NFIB: variants seen among roughly 807,000 people sequenced by gnomAD.
NFIB encodes the protein nuclear factor I B.
In NFIB, 11 loss-of-function variants were observed where a neutral mutation model predicts 61.5. The observed-to-expected ratio is 0.18, with a 90% CI of 0.11 to 0.30. NFIB has a LOEUF of 0.30. NFIB is among the 10% of genes least tolerant of loss of function. The probability of loss-of-function intolerance (pLI) is 1.00; values close to 1 mark genes in which losing one functional copy is unlikely to be tolerated. For missense variants in NFIB, 471 were observed against 608.9 expected (o/e 0.77, Z 2.38); for synonymous variants, 260 against 216.5 (o/e 1.20, Z -1.76).
At chr9:14,384,356 G>C (rs535625990) in intron 1 of NFIB, among the ~76,000 whole-genome samples, 1 of 152,110 alleles carries the variant, frequency 6.6e-6, no homozygotes, top group African/African-American at 2.4e-5. Flanking sequence ...GAAATGCTGC[G>C]ATAAAATTAG....
intron 2 of NFIB, among the ~76,000 whole-genome samples, chr9:14,287,101 T>C (rs1372648790): frequency 6.6e-6 from 1 of 152,066 alleles, no homozygotes; most frequent in Non-Finnish European, 1.5e-5. Flanking sequence ...TTTGGGTATA[T>C]GATTTGTAAC....
At chr9:14,204,503 G>C in intron 2 of NFIB, 2 of 1,100,464 alleles carry the variant, frequency 1.8e-6, no homozygotes, top group Non-Finnish European at 2.7e-6. Flanking sequence ...GTTCACCCAG[G>C]ACCTGGACCA....
the NFIB span, among the ~76,000 whole-genome samples, chr9:14,441,946 T>G: frequency 6.6e-6 from 1 of 152,220 alleles, no homozygotes; most frequent in Non-Finnish European, 1.5e-5. Flanking sequence ...TGAATGATTG[T>G]TTTAAAATAG....
At chr9:14,271,676 C>A (rs142146911) in intron 2 of NFIB, among the ~76,000 whole-genome samples, 2 of 152,118 alleles carry the variant, frequency 1.3e-5, no homozygotes, top group Non-Finnish European at 2.9e-5. Flanking sequence ...GGCCAGATAA[C>A]CACACTGCTG....
the NFIB span, among the ~76,000 whole-genome samples, chr9:14,501,065 A>T: frequency 6.6e-6 from 1 of 152,208 alleles, no homozygotes; most frequent in African/African-American, 2.4e-5. Flanking sequence ...CTTCTAACTC[A>T]TCGCAGTGGA....
chr9:14,422,873 C>T, the NFIB span, among the ~76,000 whole-genome samples: 2 of 152,162 alleles, frequency 1.3e-5, no homozygotes, highest in African/African-American at 4.8e-5. Flanking sequence ...GGATGCTGGG[C>T]ATGTAAAACA....
At chr9:14,182,724 G>A (rs71476215) in intron 2 of NFIB, among the ~76,000 whole-genome samples, 1 of 147,012 alleles carries the variant, frequency 6.8e-6, no homozygotes, top group Non-Finnish European at 1.5e-5. Flanking sequence ...GTGTGTGTGT[G>A]TGTGTGTGTG....
intron 1 of NFIB, among the ~76,000 whole-genome samples, chr9:14,390,328 T>C (rs867628229): frequency 6.6e-6 from 1 of 152,124 alleles, no homozygotes; most frequent in African/African-American, 2.4e-5. Flanking sequence ...AATACTTCCA[T>C]ACCTGATGCC....
intron 2 of NFIB, among the ~76,000 whole-genome samples, chr9:14,264,729 T>C (rs2057058196): frequency 1.3e-5 from 2 of 152,152 alleles, no homozygotes. Context: ...AGAAAAGGAT[T>C]TCAAACAGTC....
At chr9:14,329,318 CT>C (rs1482639866) in intron 1 of NFIB, among the ~76,000 whole-genome samples, 27 of 152,126 alleles carry the variant, frequency 1.8e-4, no homozygotes, top group Non-Finnish European at 2.9e-5. Context: ...GAAGGGGCTT[CT>C]GTGTGCCAGT....
At chr9:14,183,698 C>A (rs917099214) in intron 2 of NFIB, among the ~76,000 whole-genome samples, 1 of 152,038 alleles carries the variant, frequency 6.6e-6, no homozygotes, top group Admixed American at 6.6e-5. Flanking sequence ...AGCCACCACA[C>A]CCAGTTTAGT....
the NFIB span, among the ~76,000 whole-genome samples, chr9:14,434,471 C>G: frequency 1.3e-5 from 2 of 152,104 alleles, no homozygotes; most frequent in African/African-American, 2.4e-5. Flanking sequence ...AAAAATATAG[C>G]AAGAACAAAA....
At chr9:14,202,942 C>A (rs1276438772) in intron 2 of NFIB, among the ~76,000 whole-genome samples, 1 of 152,146 alleles carries the variant, frequency 6.6e-6, no homozygotes, top group Non-Finnish European at 1.5e-5. Flanking sequence ...TCTTTCACTC[C>A]ATAAGAATAA....
At chr9:14,107,525 T>C (rs2036744966) in intron 10 of NFIB, among the ~76,000 whole-genome samples, 2 of 152,068 alleles carry the variant, frequency 1.3e-5, no homozygotes, top group Admixed American at 1.3e-4. Context: ...AATGAAAGAT[T>C]TTGTTTTTAA....
chr9:14,456,846 A>T, the NFIB span, among the ~76,000 whole-genome samples: 1 of 152,178 alleles, frequency 6.6e-6, no homozygotes, highest in Non-Finnish European at 1.5e-5. Context: ...AATTTATCCT[A>T]TTGATGCACC....
At chr9:14,448,451 G>T in the NFIB span, among the ~76,000 whole-genome samples, 1 of 152,168 alleles carries the variant, frequency 6.6e-6, no homozygotes, top group Non-Finnish European at 1.5e-5. Context: ...AGTTGAAAGG[G>T]ATTGTCATAA....
At chr9:14,501,904 C>G in the NFIB span, among the ~76,000 whole-genome samples, 1 of 152,192 alleles carries the variant, frequency 6.6e-6, no homozygotes, top group Non-Finnish European at 1.5e-5. Flanking sequence ...AGAATTATTA[C>G]AGAACAGGCA....
chr9:14,349,439 C>G (rs1487723007), intron 1 of NFIB, among the ~76,000 whole-genome samples: 1 of 152,108 alleles, frequency 6.6e-6, no homozygotes, highest in Non-Finnish European at 1.5e-5. Context: ...CCCGAGACGC[C>G]AAAGGCATTC....
the NFIB span, among the ~76,000 whole-genome samples, chr9:14,519,724 C>T: frequency 6.6e-6 from 1 of 152,158 alleles, no homozygotes; most frequent in Non-Finnish European, 1.5e-5. Flanking sequence ...ATCCTCACAA[C>T]AATCTTACTA....
Sources: gnomAD v4.1 joint callset for allele counts (sites outside exome capture counted in the v4.1 genomes callset) on GRCh38, gnomAD v4.1.1 for gene constraint, MANE v1.5 for transcripts, NCBI Gene and HGNC (gene_info 2026-07-23, HGNC 2026-07-21) for gene names.